LPAR1: variants seen among roughly 807,000 people sequenced by gnomAD.
LPAR1 encodes the protein LPA receptor 1.
A neutral mutation model predicts 23.8 loss-of-function variants in LPAR1; 5 were observed. The observed-to-expected ratio is 0.21, with a 90% CI of 0.11 to 0.44. The LOEUF is 0.44. Among genes scored for constraint, LPAR1 ranks in the 20% least tolerant of loss-of-function variants. The probability of loss-of-function intolerance (pLI) is 0.99; values close to 1 mark genes in which losing one functional copy is unlikely to be tolerated. For synonymous variants in LPAR1, 160 were observed against 164.7 expected (o/e 0.97, Z 0.22); for missense variants, 311 against 482.8 (o/e 0.64, Z 3.33).
intron 2 of LPAR1, among the ~76,000 whole-genome samples, chr9:111,011,068 T>A (rs566457291): frequency 2.7e-4 from 41 of 152,280 alleles, no homozygotes; most frequent in Admixed American, 2.4e-3. Context: ...CTTCTACACC[T>A]GCAAATAATA....
At chr9:110,927,607 G>A (rs1288384972) in intron 5 of LPAR1, among the ~76,000 whole-genome samples, 2 of 152,008 alleles carry the variant, frequency 1.3e-5, no homozygotes, top group East Asian at 1.9e-4. Flanking sequence ...CAGCCAAACT[G>A]CACGCAATAA....
chr9:110,979,456 C>T (rs892967639), intron 2 of LPAR1, among the ~76,000 whole-genome samples: 4 of 152,174 alleles, frequency 2.6e-5, no homozygotes, highest in African/African-American at 7.2e-5. Flanking sequence ...TTTCCTAAAA[C>T]GTAAGGTCAT....
chr9:110,997,302 A>T (rs73657223), intron 2 of LPAR1, among the ~76,000 whole-genome samples: 1,557 of 152,276 alleles, frequency 0.01, 23 homozygotes, highest in African/African-American at 0.035. Context: ...AAAGAACAAG[A>T]GTCATGGATT....
chr9:111,022,399 C>A (rs1333290000), intron 2 of LPAR1, among the ~76,000 whole-genome samples: 3 of 152,014 alleles, frequency 2.0e-5, no homozygotes, highest in Non-Finnish European at 4.4e-5. Context: ...CACGTGGTCT[C>A]CAACTTACTT....
intron 5 of LPAR1, among the ~76,000 whole-genome samples, chr9:110,897,700 C>A (rs1381355358): frequency 3.3e-5 from 5 of 151,854 alleles, no homozygotes; most frequent in Non-Finnish European, 7.4e-5. Context: ...GAAGATAAAA[C>A]AACATAAGGT....
chr9:110,919,661 G>C (rs1178747856), intron 5 of LPAR1, among the ~76,000 whole-genome samples: 2 of 152,122 alleles, frequency 1.3e-5, no homozygotes, highest in Non-Finnish European at 2.9e-5. Flanking sequence ...ACTTAGCCAA[G>C]TTCTCCCACA....
At chr9:111,037,864 C>G (rs565015964) in intron 1 of LPAR1, 1 of 152,330 alleles carries the variant, frequency 6.6e-6, no homozygotes, top group African/African-American at 2.4e-5. Flanking sequence ...GGAGGGCCGG[C>G]GGCCCGGGCG....
At chr9:110,923,805 T>C (rs937026356) in intron 5 of LPAR1, among the ~76,000 whole-genome samples, 6 of 152,264 alleles carry the variant, frequency 3.9e-5, no homozygotes, top group Middle Eastern at 3.4e-3. Context: ...ATCCAGGAAG[T>C]TGGGACTTCA....
At chr9:110,878,070 G>A (rs2079598012) in intron 5 of LPAR1, among the ~76,000 whole-genome samples, 1 of 152,130 alleles carries the variant, frequency 6.6e-6, no homozygotes, top group Non-Finnish European at 1.5e-5. Flanking sequence ...TTCTATGTAT[G>A]GATGCTTCAT....
chr9:110,918,010 C>G (rs1396856683), intron 5 of LPAR1, among the ~76,000 whole-genome samples: 1 of 152,156 alleles, frequency 6.6e-6, no homozygotes, highest in Non-Finnish European at 1.5e-5. Context: ...TCATGCTATC[C>G]TTCCAACTCA....
rs80292419 is a variant in LPAR1 at position 110,956,612 on chromosome 9, T to C, written c.46-14444A>G. On this transcript the variant is annotated intron_variant, in intron 4 of 5. Coordinates refer to ENST00000683809, the MANE Select transcript of LPAR1 (RefSeq NM_001351411.2). ...TAATTAGAAATGAAAAAAAAAGCAG[T>C]ATAACTGATACCATAGAAATACAAA... 6.4e-3 allele frequency among the ~76,000 whole-genome samples: 967 copies of C among 151,030 alleles called. 13 individuals are homozygous for C. The highest frequency in any genetic ancestry group is 0.022 in the African/African-American group (900 of 41,188).
intron 4 of LPAR1, among the ~76,000 whole-genome samples, chr9:110,943,936 G>A (rs995647859): frequency 6.6e-6 from 1 of 151,208 alleles, no homozygotes; most frequent in African/African-American, 2.4e-5. Flanking sequence ...GGGCTTATGA[G>A]TGCACGTTAG....
chr9:110,968,013 A>C (rs924589058), intron 4 of LPAR1, among the ~76,000 whole-genome samples: 3 of 152,218 alleles, frequency 2.0e-5, no homozygotes, highest in African/African-American at 7.2e-5. Flanking sequence ...CGGTGAGAAT[A>C]ATGCAACTAC....
intron 2 of LPAR1, among the ~76,000 whole-genome samples, chr9:110,988,008 G>T (rs1416131719): frequency 1.3e-5 from 2 of 151,778 alleles, no homozygotes; most frequent in Admixed American, 1.3e-4. Flanking sequence ...CACCTAGAGA[G>T]GAACAAGGAT....
intron 5 of LPAR1, among the ~76,000 whole-genome samples, chr9:110,909,501 C>A (rs972059562): frequency 3.3e-5 from 5 of 152,166 alleles, no homozygotes; most frequent in African/African-American, 7.2e-5. Context: ...CCTTCCTGTA[C>A]AGGCACAGCT....
rs1261346593 is a variant in LPAR1 at position 110,941,784 on chromosome 9, T to C, written c.430A>G (p.Ile144Val). Residue 144 changes from isoleucine to valine, a missense_variant, in exon 5 of 6, where the codon ATC (isoleucine) becomes GTC (valine). Ile to Val is a conservative substitution (Grantham distance 29). Transcript: ENST00000683809. The surrounding 1 kb of genome is among the most constrained non-coding windows in gnomAD (Gnocchi z 6.1). ...CGGAAAACCGTAATGTGCCTCTCGA[T>C]TGCAATAGCCAGTAAGTTGGCCACA... ...ASVANLLAIAIERHITVFRMQ... is the reference protein window; with the variant it reads ...ASVANLLAIAVERHITVFRMQ... 1.2e-6 allele frequency: 2 copies of C among 1,614,046 alleles called. No homozygotes were observed. Among genetic ancestry groups the C allele is most frequent in the South Asian group, 1.1e-5 (1 of 91,088 alleles).
At chr9:110,988,122 T>C (rs769042459) in intron 2 of LPAR1, among the ~76,000 whole-genome samples, 1 of 152,010 alleles carries the variant, frequency 6.6e-6, no homozygotes, top group African/African-American at 2.4e-5. Context: ...TCTAGAACTT[T>C]ATACACATTA....
At chr9:110,910,419 G>T (rs2092264023) in intron 5 of LPAR1, among the ~76,000 whole-genome samples, 1 of 152,166 alleles carries the variant, frequency 6.6e-6, no homozygotes, top group Non-Finnish European at 1.5e-5. Context: ...AAATATTACT[G>T]CTCATTGACA....
chr9:110,917,716 C>T (rs568034200), intron 5 of LPAR1, among the ~76,000 whole-genome samples: 4 of 152,258 alleles, frequency 2.6e-5, no homozygotes, highest in African/African-American at 9.6e-5. Flanking sequence ...GTTATTTCTC[C>T]TGATTTTACT....
Sources: allele counts gnomAD v4.1 joint callset (sites outside exome capture counted in the v4.1 genomes callset), GRCh38; gene constraint gnomAD v4.1.1; non-coding constraint Gnocchi (gnomAD v3.1); transcripts MANE v1.5; gene names NCBI Gene and HGNC (gene_info 2026-07-23, HGNC 2026-07-21).